Variants in PFKFB2 observed in about 807,000 individuals in gnomAD.
PFKFB2 encodes 6-phosphofructo-2-kinase/fructose-2,6-bisphosphatase 2.
A neutral mutation model predicts 68.0 loss-of-function variants in PFKFB2; 53 were observed. The ratio of observed to expected loss-of-function variants is 0.78; its 90% CI spans 0.63 to 0.98. The LOEUF is 0.98. PFKFB2 is among the 50% of genes least tolerant of loss of function. PFKFB2 has a pLI of 0.00. For missense variants in PFKFB2, 451 were observed against 642.0 expected, an observed-to-expected ratio of 0.70 and a Z score of 3.22; for synonymous variants, 222 against 227.6, an observed-to-expected ratio of 0.98 and a Z score of 0.22.
In PFKFB2 at chr1:207,074,473, C is replaced by T. The variant is rs1208978343; in HGVS notation, c.*2102C>T. The T allele has an allele frequency of 4.1e-6, 4 of 985,274 alleles. No homozygotes were observed. Among genetic ancestry groups the T allele is most frequent in the Non-Finnish European group, 4.8e-6 (4 of 829,924 alleles). 61.0% of individuals were successfully genotyped at this position (985,274 alleles called of 1,614,324 possible). A position where few individuals can be genotyped will look rare whatever the true frequency, so the allele number is the denominator to read the frequency against. ...ATTTTAAGCACCCTGGAGAGAGGTG[C>T]AGACCCTGCCAGGATGATAAAGGTT... On this transcript the variant is annotated 3_prime_UTR_variant, in exon 15 of 15. Transcript: ENST00000367080.
chr1:207,072,405 C>G lies in PFKFB2; in HGVS notation c.*34C>G, dbSNP rs1327165010. 1 of 1,601,136 alleles carries G rather than the reference C, an allele frequency of 6.2e-7. No individual in the cohort carries two copies. The highest frequency in any genetic ancestry group is 8.5e-7 in the Non-Finnish European group (1 of 1,173,208). On this transcript the variant is annotated 3_prime_UTR_variant, in exon 15 of 15. Transcript: ENST00000367080. Reference sequence around the variant, plus strand: ...CCAAGTCAGCATTCCGGTGGTGTAACTGTGTGTTTCCCTCCAGCCCTGGCC... The same window carrying G: ...CCAAGTCAGCATTCCGGTGGTGTAAGTGTGTGTTTCCCTCCAGCCCTGGCC...
chr1:207,045,600 A>G (rs1682580778), intron 2 of PFKFB2: 1 of 151,714 alleles, frequency 6.6e-6, no homozygotes, highest in South Asian at 2.1e-4. Flanking sequence ...GATTTGTCAA[A>G]AAAAAAAAAA....
In PFKFB2 at chr1:207,072,623, C is replaced by G. The variant is rs984961081; in HGVS notation, c.*252C>G. 1 of 1,254,366 alleles carries G rather than the reference C, an allele frequency of 8.0e-7. No homozygotes were observed. The allele number at this position is 1,254,366 out of a possible 1,614,324, so 77.7% of individuals were successfully genotyped here. On this transcript the variant is annotated 3_prime_UTR_variant, in exon 15 of 15. Coordinates refer to ENST00000367080, the MANE Select transcript of PFKFB2 (RefSeq NM_006212.2). ...AATTGAGTCTTTTAGGACAGATTCT[C>G]AGATGGGATGATCTGGAGGAGGAGG... is the stretch of plus-strand genomic sequence containing the variant.
At chr1:207,048,805 C>T, upstream of PFKFB2, 1 of 523,206 alleles carries the variant, frequency 1.9e-6, no homozygotes, top group Non-Finnish European at 3.4e-6. Context: ...CAGAAAGAGG[C>T]ATGTATGTAC....
In PFKFB2 at chr1:207,072,380, C is replaced by CCAA. The variant is rs1419930509; in HGVS notation, c.*10_*12dup. 1.2e-6 allele frequency: 2 copies of CCAA among 1,611,380 alleles called. No individual in the cohort carries two copies. The highest frequency in any genetic ancestry group is 1.7e-5 in the Admixed American group (1 of 59,548). ...AAGAAGGGGCCGACTAGCCGAAGAC[C>CCAA]CAAGTCAGCATTCCGGTGGTGTAAC... is the stretch of plus-strand genomic sequence containing the variant. On this transcript the variant is annotated 3_prime_UTR_variant, in exon 15 of 15. Transcript: ENST00000367080.
At chr1:207,049,566 A>G (rs747655897), upstream of PFKFB2, 16 of 1,614,176 alleles carry the variant, frequency 9.9e-6, no homozygotes, top group Middle Eastern at 1.6e-4. Flanking sequence ...CTTCGACGAC[A>G]TAGTACACAC....
upstream of PFKFB2, chr1:207,048,834 C>T (rs1682661642): frequency 8.2e-6 from 5 of 608,986 alleles, no homozygotes; most frequent in South Asian, 1.0e-4. Flanking sequence ...ACTGTAGACA[C>T]ACATCTGTAA....
intron 1 of PFKFB2, among the ~76,000 whole-genome samples, chr1:207,040,034 G>A (rs550947473): frequency 6.6e-6 from 1 of 152,282 alleles, no homozygotes; most frequent in Admixed American, 6.5e-5. Flanking sequence ...CTGCAGGTTG[G>A]GACCTCAGAG....
chr1:207,066,746 T>C (rs1308216275), intron 8 of PFKFB2, among the ~76,000 whole-genome samples: 1 of 152,052 alleles, frequency 6.6e-6, no homozygotes, highest in Non-Finnish European at 1.5e-5. Flanking sequence ...TCCCCCTTCC[T>C]GGGTTCAAGC....
In PFKFB2 at chr1:207,063,494, T is replaced by G; in HGVS notation, c.450+73T>G. ...GAGTCAGGCTACAGGCATGGATCTC[T>G]CACTCTAGTGGGTGAGGACAGGATG... On this transcript the variant is annotated intron_variant, in intron 6 of 14. Coordinates refer to ENST00000367080, the MANE Select transcript of PFKFB2 (RefSeq NM_006212.2). The surrounding 1 kb of genome is among the most constrained non-coding windows in gnomAD (Gnocchi z 4.1). The G allele has an allele frequency of 1.0e-6, 1 of 995,166 alleles. No homozygotes were observed. Among genetic ancestry groups the G allele is most frequent in the Non-Finnish European group, 1.6e-6 (1 of 630,874 alleles). The allele number at this position is 995,166 out of a possible 1,614,324, so 61.6% of individuals were successfully genotyped here.
chr1:207,077,495 T>C lies in PFKFB2; in HGVS notation c.*5124T>C. On this transcript the variant is annotated 3_prime_UTR_variant, in exon 15 of 15. Coordinates refer to ENST00000367080, the MANE Select transcript of PFKFB2 (RefSeq NM_006212.2). ...TCAACTTATGCTGGTATGGTGATGG[T>C]TTTGCTATGGCAAAATCAAAGGGCT... The C allele has an allele frequency of 1.0e-6, 1 of 985,570 alleles. No individual in the cohort carries two copies. The highest frequency in any genetic ancestry group is 1.2e-6 in the Non-Finnish European group (1 of 829,896). The allele number at this position is 985,570 out of a possible 1,614,324, so 61.1% of individuals were successfully genotyped here.
intron 2 of PFKFB2, among the ~76,000 whole-genome samples, chr1:207,060,329 C>T (rs1465094009): frequency 6.6e-6 from 1 of 152,218 alleles, no homozygotes; most frequent in Non-Finnish European, 1.5e-5. Context: ...TGCAAATGAG[C>T]ATTCCTGAAG....
At chr1:207,052,661 A>G (rs561825227), upstream of PFKFB2, among the ~76,000 whole-genome samples, 291 of 152,310 alleles carry the variant, frequency 1.9e-3, 1 homozygote, top group African/African-American at 6.8e-3. Flanking sequence ...TCAAAAAACA[A>G]AAACCAAACC....
intron 8 of PFKFB2, among the ~76,000 whole-genome samples, chr1:207,067,172 T>A (rs1683316600): frequency 6.6e-6 from 1 of 152,178 alleles, no homozygotes; most frequent in Non-Finnish European, 1.5e-5. Context: ...TCACCAAATT[T>A]TGGGCTTAGC....
chr1:207,036,163 C>T (rs983226891), intron 1 of PFKFB2, among the ~76,000 whole-genome samples: 1 of 152,162 alleles, frequency 6.6e-6, no homozygotes, highest in South Asian at 2.1e-4. Context: ...TTGGAGGTCA[C>T]ATTTCAACAT....
At position 207,074,754 on chromosome 1, in the gene PFKFB2, T is replaced by C; in HGVS notation, c.*2383T>C. 1 of 985,390 alleles carries C rather than the reference T, an allele frequency of 1.0e-6. No individual in the cohort carries two copies. The highest frequency in any genetic ancestry group is 1.7e-5 in the African/African-American group (1 of 57,344). 61.0% of individuals were successfully genotyped at this position (985,390 alleles called of 1,614,324 possible). Reference sequence around the variant, plus strand: ...GAAAAGGTCCTTGTCCAGAGGAAGGTTATTTTAAGAGACAGGACATGTAAT... The same window carrying C: ...GAAAAGGTCCTTGTCCAGAGGAAGGCTATTTTAAGAGACAGGACATGTAAT... On this transcript the variant is annotated 3_prime_UTR_variant, in exon 15 of 15. Transcript: ENST00000367080.
In PFKFB2 at chr1:207,075,683, G is replaced by A. The variant is rs1427323229; in HGVS notation, c.*3312G>A. The A allele has an allele frequency of 1.0e-6, 1 of 973,052 alleles. No individual in the cohort carries two copies. Among genetic ancestry groups the A allele is most frequent in the Non-Finnish European group, 1.2e-6 (1 of 818,786 alleles). 60.3% of individuals were successfully genotyped at this position (973,052 alleles called of 1,614,324 possible). ...TTATACCTGTAGTCCCAGATACTTG[G>A]GAGGCTGAGGCAGGAGAATCACTTG... is the stretch of plus-strand genomic sequence containing the variant. On this transcript the variant is annotated 3_prime_UTR_variant, in exon 15 of 15. Transcript: ENST00000367080.
intron 7 of PFKFB2, 136 bp from the exon 8 acceptor site, chr1:207,064,900 A>G: frequency 4.0e-6 from 4 of 999,780 alleles, no homozygotes; most frequent in South Asian, 3.4e-5. Flanking sequence ...GGGGTACTCA[A>G]TGAGTGGAGT....
At chr1:207,079,189 T>G, downstream of PFKFB2, 1 of 643,210 alleles carries the variant, frequency 1.6e-6, no homozygotes, top group Non-Finnish European at 2.8e-6. Context: ...TCCTGCCTAA[T>G]GGGAATATCA....
Sources: allele counts gnomAD v4.1 joint callset (sites outside exome capture counted in the v4.1 genomes callset), GRCh38; gene constraint gnomAD v4.1.1; non-coding constraint Gnocchi (gnomAD v3.1); transcripts MANE v1.5; gene names NCBI Gene and HGNC (gene_info 2026-07-23, HGNC 2026-07-21).